MAP4: variants seen among roughly 807,000 people sequenced by gnomAD.
The protein encoded by MAP4 is microtubule associated protein 4, also known as microtubule-associated protein 4.
In MAP4, 76 loss-of-function variants were observed where a neutral mutation model predicts 170.2. That is an observed-to-expected ratio of 0.45 (90% confidence interval 0.37 to 0.54). The LOEUF (loss-of-function observed/expected upper bound fraction) is 0.54. Among genes scored for constraint, MAP4 ranks in the 20% least tolerant of loss-of-function variants. MAP4 has a pLI of 0.00. For missense variants in MAP4, 2,506 were observed against 2,748.0 expected (o/e 0.91, Z 1.97); for synonymous variants, 909 against 994.5 (o/e 0.91, Z 1.62).
intron 17 of MAP4, among the ~76,000 whole-genome samples, chr3:47,865,082 C>CCTAATTCTCTGTT (rs2077044271): frequency 6.6e-6 from 1 of 152,208 alleles, no homozygotes; most frequent in Middle Eastern, 3.4e-3. Context: ...AGGAAGCCTC[C>CCTAATTCTCTGTT]TAAAGTGAAA....
At chr3:48,080,873 C>A (rs2100146290) in intron 1 of MAP4, among the ~76,000 whole-genome samples, 1 of 152,122 alleles carries the variant, frequency 6.6e-6, no homozygotes, top group Non-Finnish European at 1.5e-5. Context: ...GCCTGTAATC[C>A]GAGCACTTTG....
At chr3:47,964,826 T>C (rs2100073860) in intron 3 of MAP4, among the ~76,000 whole-genome samples, 1 of 152,202 alleles carries the variant, frequency 6.6e-6, no homozygotes, top group African/African-American at 2.4e-5. Flanking sequence ...TAATTTGAAA[T>C]TTTTTTCCCT....
chr3:47,971,763 T>C (rs2100078909), intron 3 of MAP4, among the ~76,000 whole-genome samples: 1 of 152,190 alleles, frequency 6.6e-6, no homozygotes, highest in Non-Finnish European at 1.5e-5. Context: ...TTACACATGA[T>C]TTAGGAATGA....
intron 4 of MAP4, among the ~76,000 whole-genome samples, chr3:47,927,158 C>CAAAAA (rs544565652): frequency 9.5e-6 from 1 of 105,758 alleles, no homozygotes; most frequent in South Asian, 3.2e-4. Context: ...GACTCTGTCT[C>CAAAAA]AAAAAAAAAA....
intron 17 of MAP4, among the ~76,000 whole-genome samples, chr3:47,860,390 C>A (rs906097932): frequency 6.6e-6 from 1 of 152,304 alleles, no homozygotes; most frequent in East Asian, 1.9e-4. Flanking sequence ...GAAGGGGTTT[C>A]GCCAAGTGGC....
At chr3:48,047,469 G>C (rs889058420) in intron 1 of MAP4, among the ~76,000 whole-genome samples, 1 of 152,134 alleles carries the variant, frequency 6.6e-6, no homozygotes, top group South Asian at 2.1e-4. Flanking sequence ...GGGGTGGGGA[G>C]GAAGCCATGG....
chr3:48,072,693 C>T (rs1032442060), intron 1 of MAP4, among the ~76,000 whole-genome samples: 2 of 152,176 alleles, frequency 1.3e-5, no homozygotes, highest in Admixed American at 1.3e-4. Context: ...CAGAGACAAA[C>T]GTGAGAATTG....
intron 3 of MAP4, chr3:47,974,086 C>T (rs994016783): frequency 1.0e-6 from 1 of 985,192 alleles, no homozygotes; most frequent in Non-Finnish European, 1.2e-6. Flanking sequence ...TCATGATATT[C>T]TAATCTTACC....
At chr3:47,928,200 T>TGCA (rs780378600) in intron 4 of MAP4, 28 bp downstream of exon 4, 7 of 1,612,732 alleles carry the variant, frequency 4.3e-6, no homozygotes. Flanking sequence ...AGCACACATT[T>TGCA]AGTAGTCACG....
intron 1 of MAP4, among the ~76,000 whole-genome samples, chr3:48,059,531 A>AG (rs1384462824): frequency 6.4e-4 from 97 of 151,378 alleles, no homozygotes; most frequent in Non-Finnish European, 1.2e-3. Context: ...AAAAAAAAAA[A>AG]AAAAAAAAAG....
rs188191413 is a variant in MAP4, at chr3:48,027,101, A to G, written c.-19-28222T>C. On this transcript the variant is annotated intron_variant, in intron 1 of 18. Coordinates refer to the MAP4 transcript ENST00000360240. ...AGAAAAAAGTGTATCTAGAGAAAAC[A>G]TAATAGTCTCCTCTATTCCCAAAGC... is the stretch of plus-strand genomic sequence containing the variant. 1.8e-3 allele frequency among the ~76,000 whole-genome samples: 271 copies of G among 152,366 alleles called. 3 individuals carry two copies. Among genetic ancestry groups the G allele is most frequent in the African/African-American group, 6.2e-3 (257 of 41,596 alleles).
At chr3:48,055,079 T>G (rs1464540752) in intron 1 of MAP4, among the ~76,000 whole-genome samples, 1 of 152,174 alleles carries the variant, frequency 6.6e-6, no homozygotes, top group Non-Finnish European at 1.5e-5. Flanking sequence ...TCCAGGAATT[T>G]CATCCCTGCA....
At chr3:48,055,182 C>G (rs114302410) in intron 1 of MAP4, among the ~76,000 whole-genome samples, 133 of 82,250 alleles carry the variant, frequency 1.6e-3, no homozygotes, top group African/African-American at 6.4e-3. Context: ...AAAAGTCTCC[C>G]TCTCCCTCTC....
rs924406182 is a variant in MAP4 at position 47,932,118 on chromosome 3, G to A, written c.293-3768C>T. Among the ~76,000 whole-genome samples, 4 of 152,046 alleles carry A rather than the reference G, an allele frequency of 2.6e-5. No individual in the cohort carries two copies. The East Asian group carries it at 5.8e-4, about 22-fold the overall frequency. ...TTCCCCTACCCCTCGGTAACCACTC[G>A]TCTACTTTTTGTTCCTAAGGATTTG... On this transcript the variant is annotated intron_variant, in intron 3 of 20. Coordinates refer to ENST00000683076, the MANE Select transcript of MAP4 (RefSeq NM_001385682.1).
intron 3 of MAP4, among the ~76,000 whole-genome samples, chr3:47,951,385 T>TC (rs1240466519): frequency 1.3e-5 from 2 of 152,116 alleles, no homozygotes; most frequent in Admixed American, 6.6e-5. Flanking sequence ...TTCCACGGTC[T>TC]CCCTCTGATG....
intron 10 of MAP4, chr3:47,891,245 G>T (rs760505336): frequency 1.7e-5 from 26 of 1,536,138 alleles, no homozygotes; most frequent in Non-Finnish European, 8.7e-7. Context: ...ATATAATCCA[G>T]CAGTGCCGAG....
intron 10 of MAP4, chr3:47,891,046 C>T (rs1000479856): frequency 1.7e-5 from 25 of 1,491,046 alleles, no homozygotes; most frequent in Non-Finnish European, 2.2e-5. Context: ...GCTTTTCAAA[C>T]AGGAACGATG....
At chr3:48,069,992 G>C (rs1399967618) in intron 1 of MAP4, among the ~76,000 whole-genome samples, 1 of 151,658 alleles carries the variant, frequency 6.6e-6, no homozygotes, top group East Asian at 1.9e-4. Flanking sequence ...TTTTTTTTCT[G>C]AGACAGGGTC....
intron 1 of MAP4, among the ~76,000 whole-genome samples, chr3:48,071,786 C>A (rs1019020916): frequency 6.6e-6 from 1 of 151,856 alleles, no homozygotes; most frequent in Non-Finnish European, 1.5e-5. Context: ...TACCTGTAGT[C>A]CCAGATACTC....
Sources: allele counts gnomAD v4.1 joint callset (sites outside exome capture counted in the v4.1 genomes callset), GRCh38; gene constraint gnomAD v4.1.1; transcripts MANE v1.5; gene names NCBI Gene and HGNC (gene_info 2026-07-23, HGNC 2026-07-21).